Variants in IDI1 observed in about 807,000 individuals in gnomAD.
The protein encoded by IDI1 is isopentenyl-diphosphate delta isomerase 1.
IDI1 carries 23 observed loss-of-function variants against 32.9 expected under a neutral mutation model. The observed-to-expected ratio is 0.70, with a 90% CI of 0.50 to 0.99. The LOEUF (loss-of-function observed/expected upper bound fraction) is 0.99. Ranked by LOEUF, IDI1 falls within the 50% of genes least tolerant of loss-of-function variation. IDI1 has a pLI of 0.00. For synonymous variants in IDI1, 133 were observed against 128.2 expected, an observed-to-expected ratio of 1.04 and a Z score of -0.25; for missense variants, 326 against 351.9, an observed-to-expected ratio of 0.93 and a Z score of 0.59.
At position 1,040,014 on chromosome 10, in the gene IDI1, T is replaced by TAACA. The variant is rs1302371968; in HGVS notation, c.*1169_*1172dup. On this transcript the variant is annotated 3_prime_UTR_variant, in exon 5 of 5. Transcript: ENST00000381344. ...CATAAATGAGTCATTCTATTGAATT[T>TAACA]AACAAACATTTAACTTTGCAAGAAA... 3.3e-5 allele frequency: 5 copies of TAACA among 152,234 alleles called. No individual in the cohort carries two copies. Among genetic ancestry groups the TAACA allele is most frequent in the Non-Finnish European group, 7.3e-5 (5 of 68,046 alleles). 9.4% of individuals were successfully genotyped at this position (152,234 alleles called of 1,614,324 possible).
rs922939678 is a variant in IDI1 at position 1,043,345 on chromosome 10, T to C, written c.362A>G (p.Lys121Arg). Residue 121 changes from lysine (K) to arginine (R), a missense_variant, in exon 3 of 5, where the codon AAG becomes AGG. Physicochemically the swap from Lys to Arg is conservative, Grantham distance 26. Coordinates refer to ENST00000381344, the MANE Select transcript of IDI1 (RefSeq NM_004508.4). ...FSVFLFNTENKLLLQQRSDAK... is the reference protein window; with the variant it reads ...FSVFLFNTENRLLLQQRSDAK... ...ATCTGATCTTTGCTGTAGCAGAAGC[T>C]TATTTTCGGTGTTGAATAAGAAGAC... 6.2e-7 allele frequency: 1 copy of C among 1,610,910 alleles called. No homozygotes were observed. The highest frequency in any genetic ancestry group is 1.3e-5 in the African/African-American group (1 of 74,884).
chr10:1,039,216 G>A (rs1179512975), downstream of IDI1: 2 of 150,486 alleles, frequency 1.3e-5, no homozygotes, highest in East Asian at 3.9e-4. Context: ...AGCAGGTGGA[G>A]GGCAGTTCCC....
rs376884257 is a variant in IDI1 at position 1,043,293 on chromosome 10, G to C, written c.406+8C>G. ...AAACACAATATTGTACATTAAAAGT[G>C]TACTAACCTGGAAAGGTAATCTTAG... On this transcript the variant is annotated splice_region_variant and intron_variant, in intron 3 of 4. Coordinates refer to ENST00000381344, the MANE Select transcript of IDI1 (RefSeq NM_004508.4). The C allele has an allele frequency of 1.1e-5, 17 of 1,514,158 alleles. No individual in the cohort carries two copies. Among genetic ancestry groups the C allele is most frequent in the Admixed American group, 1.0e-4 (6 of 59,678 alleles). 93.8% of individuals were successfully genotyped at this position (1,514,158 alleles called of 1,614,324 possible). A position where few individuals can be genotyped will look rare whatever the true frequency, so the allele number is the denominator to read the frequency against.
Position 1,041,509 on chromosome 10 carries a change from G to T in IDI1, c.538-5C>A. On this transcript the variant is annotated splice_region_variant and splice_polypyrimidine_tract_variant and intron_variant, in intron 4 of 4. Transcript: ENST00000381344. ...ATTAATTTCTTCTGGAGGAACCTAAGACATTAAAAAAAAAAAAGTAATTAA... is the reference window on the plus strand; with the variant it reads ...ATTAATTTCTTCTGGAGGAACCTAATACATTAAAAAAAAAAAAGTAATTAA... 3 of 1,423,098 alleles carry T rather than the reference G, an allele frequency of 2.1e-6. No homozygotes were observed. Among genetic ancestry groups the T allele is most frequent in the Non-Finnish European group, 1.9e-6 (2 of 1,066,698 alleles). 88.2% of individuals were successfully genotyped at this position (1,423,098 alleles called of 1,614,324 possible). A position where few individuals can be genotyped will look rare whatever the true frequency, so the allele number is the denominator to read the frequency against.
upstream of IDI1, among the ~76,000 whole-genome samples, chr10:1,052,626 C>CA (rs144146960): frequency 8.5e-5 from 13 of 152,186 alleles, no homozygotes; most frequent in East Asian, 2.3e-3. Context: ...GTCTCAACAA[C>CA]AGTGGGCTGA....
intron 1 of IDI1, chr10:1,048,570 A>C: frequency 7.4e-7 from 1 of 1,346,366 alleles, no homozygotes; most frequent in Admixed American, 3.3e-5. Flanking sequence ...GAGTTCCTAA[A>C]CCTCAGGTGA....
chr10:1,056,510 C>T, the IDI1 span: 1 of 152,146 alleles, frequency 6.6e-6, no homozygotes, highest in Non-Finnish European at 1.5e-5. Context: ...GGGCTCGCAG[C>T]CCTCCCGCCC....
Position 1,048,928 on chromosome 10 carries a change from C to T in IDI1, c.76G>A (p.Ala26Thr). The T allele has an allele frequency of 6.3e-7, 1 of 1,594,012 alleles. No homozygotes were observed. The highest frequency in any genetic ancestry group is 1.4e-5 in the African/African-American group (1 of 73,294). Residue 26 changes from alanine to threonine, a missense_variant, in exon 1 of 5, where the codon GCA becomes ACA. Ala to Thr is a moderately conservative substitution (Grantham distance 58). Transcript: ENST00000381344. ...TGGCGCCCGCTTTGAGCACAGTCTG[C>T]GGCGCGCACCGCCCACTGGCCCCGC... ...RGRGQWAVRAADCAQSGRHPG... is the reference protein window; with the variant it reads ...RGRGQWAVRATDCAQSGRHPG...
chr10:1,051,837 T>C (rs1341080607), upstream of IDI1, among the ~76,000 whole-genome samples: 1 of 152,234 alleles, frequency 6.6e-6, no homozygotes, highest in Non-Finnish European at 1.5e-5. Context: ...GTCACGTTGA[T>C]TGACAATTCT....
intron 1 of IDI1, among the ~76,000 whole-genome samples, chr10:1,048,083 G>A (rs1365084669): frequency 3.3e-5 from 5 of 152,086 alleles, no homozygotes; most frequent in Admixed American, 6.5e-5. Context: ...GTGCAGTGGC[G>A]CGATCTCGGC....
intron 1 of IDI1, among the ~76,000 whole-genome samples, chr10:1,045,391 T>C (rs1333200765): frequency 1.3e-5 from 2 of 152,240 alleles, no homozygotes; most frequent in Admixed American, 6.5e-5. Flanking sequence ...TTCTGATTTT[T>C]CTACCCAATA....
upstream of IDI1, among the ~76,000 whole-genome samples, chr10:1,050,742 A>G (rs1310398427): frequency 6.6e-6 from 1 of 152,186 alleles, no homozygotes; most frequent in Non-Finnish European, 1.5e-5. Flanking sequence ...AAGACACACC[A>G]GTTCACCTCA....
chr10:1,045,816 AG>A (rs1267608169), intron 1 of IDI1, among the ~76,000 whole-genome samples: 1 of 152,160 alleles, frequency 6.6e-6, no homozygotes, highest in African/African-American at 2.4e-5. Flanking sequence ...ATGTACACAA[AG>A]TGTTTAAACA....
intron 1 of IDI1, among the ~76,000 whole-genome samples, chr10:1,045,866 GGTGTGTGTGT>G (rs10598743): frequency 2.6e-5 from 4 of 150,956 alleles, no homozygotes; most frequent in African/African-American, 9.7e-5. Context: ...ATAGGGTCTG[GGTGTGTGTGT>G]GTGTGTGTGT....
chr10:1,043,978 A>G, intron 2 of IDI1, 21 bp downstream of exon 2: 1 of 1,601,738 alleles, frequency 6.2e-7, no homozygotes, highest in Non-Finnish European at 8.5e-7. Flanking sequence ...CTTTACAAGA[A>G]AGACTGTTTC....
At chr10:1,048,738 T>G in intron 1 of IDI1, 126 bp downstream of exon 1, 1 of 1,450,664 alleles carries the variant, frequency 6.9e-7, no homozygotes, top group Non-Finnish European at 9.0e-7. Flanking sequence ...CACCCCCAGC[T>G]GTCCAGGCCT....
chr10:1,041,505 C>T lies in IDI1; in HGVS notation c.538-1G>A. 6.7e-7 allele frequency: 1 copy of T among 1,499,664 alleles called. No homozygotes were observed. Among genetic ancestry groups the T allele is most frequent in the Non-Finnish European group, 9.0e-7 (1 of 1,115,666 alleles). 92.9% of individuals were successfully genotyped at this position (1,499,664 alleles called of 1,614,324 possible). ...AATAATTAATTTCTTCTGGAGGAAC[C>T]TAAGACATTAAAAAAAAAAAAGTAA... On this transcript the variant is annotated splice_acceptor_variant, in intron 4 of 4. Transcript: ENST00000381344. LOFTEE classifies it high-confidence loss of function.
upstream of IDI1, among the ~76,000 whole-genome samples, chr10:1,050,753 C>G (rs191509601): frequency 6.6e-6 from 1 of 152,174 alleles, no homozygotes. Context: ...GTTCACCTCA[C>G]GTGCACACCT....
chr10:1,048,701 C>A, intron 1 of IDI1, 163 bp downstream of exon 1: 1 of 1,417,714 alleles, frequency 7.1e-7, no homozygotes, highest in Non-Finnish European at 9.1e-7. Flanking sequence ...GGCCCGGCCT[C>A]CCTCCAGTTC....
Sources: gnomAD v4.1 joint callset for allele counts (sites outside exome capture counted in the v4.1 genomes callset) on GRCh38, gnomAD v4.1.1 for gene constraint, MANE v1.5 for transcripts, NCBI Gene and HGNC (gene_info 2026-07-23, HGNC 2026-07-21) for gene names.